The following ZNF385B variants were observed in gnomAD, a reference collection of about 807,000 sequenced individuals.
The protein encoded by ZNF385B is zinc finger protein 385B, also known as zinc finger protein 533.
ZNF385B carries 23 observed loss-of-function variants against 39.2 expected under a neutral mutation model. The observed-to-expected ratio is 0.59, with a 90% CI of 0.42 to 0.83. ZNF385B has a LOEUF of 0.83. ZNF385B is among the 40% of genes least tolerant of loss of function. ZNF385B has a pLI of 0.00. For missense variants in ZNF385B, 552 were observed against 598.9 expected (o/e 0.92, Z 0.82); for synonymous variants, 205 against 222.6 (o/e 0.92, Z 0.70).
chr2:179,771,457 A>T (rs1704007602), intron 1 of ZNF385B, among the ~76,000 whole-genome samples: 1 of 152,208 alleles, frequency 6.6e-6, no homozygotes, highest in Non-Finnish European at 1.5e-5. Flanking sequence ...TAACCTGATA[A>T]TGCCATTTTA....
intron 3 of ZNF385B, among the ~76,000 whole-genome samples, chr2:179,612,095 T>A (rs1689335284): frequency 6.6e-6 from 1 of 152,034 alleles, no homozygotes; most frequent in Non-Finnish European, 1.5e-5. Context: ...TTTGTTAAAT[T>A]TACCTCCTAG....
intron 3 of ZNF385B, among the ~76,000 whole-genome samples, chr2:179,581,700 G>A (rs1205540467): frequency 1.3e-5 from 2 of 152,186 alleles, no homozygotes; most frequent in African/African-American, 4.8e-5. Flanking sequence ...CCCAGATACA[G>A]AAAGCATTTC....
intron 3 of ZNF385B, among the ~76,000 whole-genome samples, chr2:179,732,320 C>T (rs1451384938): frequency 6.6e-6 from 1 of 152,204 alleles, no homozygotes; most frequent in Non-Finnish European, 1.5e-5. Context: ...CAAACACTAA[C>T]TTTACCCTTA....
At chr2:179,689,968 G>A (rs191720407) in intron 3 of ZNF385B, among the ~76,000 whole-genome samples, 212 of 152,054 alleles carry the variant, frequency 1.4e-3, no homozygotes, top group Non-Finnish European at 2.5e-3. Context: ...TTCTAGTAAC[G>A]TCAGAGTCTA....
At chr2:179,461,703 A>C (rs892549225) in intron 6 of ZNF385B, among the ~76,000 whole-genome samples, 1 of 152,176 alleles carries the variant, frequency 6.6e-6, no homozygotes, top group Non-Finnish European at 1.5e-5. Context: ...GCAAAATACT[A>C]CCCTTTTCTT....
intron 3 of ZNF385B, among the ~76,000 whole-genome samples, chr2:179,673,418 T>C (rs950126254): frequency 3.9e-5 from 6 of 152,210 alleles, no homozygotes; most frequent in Admixed American, 3.3e-4. Flanking sequence ...GTATACAAAA[T>C]ATGAAATAAT....
In ZNF385B at chr2:179,600,243, T is replaced by G. The variant is rs148045928; in HGVS notation, c.299-55274A>C. On this transcript the variant is annotated intron_variant, in intron 3 of 9. Transcript: ENST00000410066. ...CATAAGGGTTATATAATGACAGATA[T>G]AATCTGAATTGCAACAATGGGCTCA... 2.3e-3 allele frequency among the ~76,000 whole-genome samples: 355 copies of G among 152,334 alleles called. 2 individuals are homozygous for G. The highest frequency in any genetic ancestry group is 0.01 in the Middle Eastern group (3 of 294).
chr2:179,625,369 G>A (rs1036395697), intron 3 of ZNF385B, among the ~76,000 whole-genome samples: 6 of 151,484 alleles, frequency 4.0e-5, no homozygotes, highest in Non-Finnish European at 8.8e-5. Context: ...TTTTCCTCTA[G>A]CCTTACTTAT....
At chr2:179,568,987 CACTT>C (rs1684907848) in intron 3 of ZNF385B, among the ~76,000 whole-genome samples, 1 of 152,184 alleles carries the variant, frequency 6.6e-6, no homozygotes, top group Admixed American at 6.6e-5. Context: ...CAATGTCTAA[CACTT>C]ACATAACATT....
intron 3 of ZNF385B, among the ~76,000 whole-genome samples, chr2:179,606,642 G>A (rs1455966445): frequency 1.3e-5 from 2 of 151,918 alleles, no homozygotes; most frequent in East Asian, 3.9e-4. Flanking sequence ...TCCTTATTCT[G>A]TTTTTAAGAG....
Position 179,471,653 on chromosome 2 carries a change from C to A in ZNF385B, c.715+11619G>T, listed in dbSNP as rs114638347. ...TCAAAATTACAGTAGATATTAGACCCACTGATAAATCTTATTTAATGCATT... is the reference window on the plus strand; with the variant it reads ...TCAAAATTACAGTAGATATTAGACCAACTGATAAATCTTATTTAATGCATT... On this transcript the variant is annotated intron_variant, in intron 6 of 9. Coordinates refer to ENST00000410066, the MANE Select transcript of ZNF385B (RefSeq NM_152520.6). Among the ~76,000 whole-genome samples the A allele has an allele frequency of 4.8e-3, 729 of 152,252 alleles. 3 individuals carry two copies. Among genetic ancestry groups the A allele is most frequent in the Non-Finnish European group, 8.2e-3 (556 of 68,018 alleles).
intron 3 of ZNF385B, among the ~76,000 whole-genome samples, chr2:179,546,025 TA>T (rs1222923063): frequency 6.6e-6 from 1 of 152,126 alleles, no homozygotes; most frequent in East Asian, 1.9e-4. Context: ...TTTTTAATTT[TA>T]ATTTAACTTT....
At chr2:179,526,671 C>G (rs2058925176) in intron 4 of ZNF385B, among the ~76,000 whole-genome samples, 1 of 152,170 alleles carries the variant, frequency 6.6e-6, no homozygotes, top group African/African-American at 2.4e-5. Flanking sequence ...ACCATGGGAT[C>G]TGCATGTTTG....
intron 4 of ZNF385B, among the ~76,000 whole-genome samples, chr2:179,519,790 G>C (rs1039967678): frequency 2.6e-5 from 4 of 152,166 alleles, no homozygotes; most frequent in Non-Finnish European, 4.4e-5. Context: ...TGAGGTTAGA[G>C]ATTAAGATTG....
intron 5 of ZNF385B, among the ~76,000 whole-genome samples, chr2:179,515,771 A>T (rs10169955): frequency 0.63 from 95,340 of 151,884 alleles, 30,885 homozygotes; most frequent in Admixed American, 0.71. Context: ...AGTTAGGTTT[A>T]CTAAGGTATA....
chr2:179,644,343 C>T (rs1692526010), intron 3 of ZNF385B, among the ~76,000 whole-genome samples: 1 of 138,536 alleles, frequency 7.2e-6, no homozygotes, highest in African/African-American at 2.5e-5. Context: ...AACCTCAGAA[C>T]AATCCTACCA....
At chr2:179,838,927 AAG>A (rs1708397043) in intron 1 of ZNF385B, among the ~76,000 whole-genome samples, 1 of 124,148 alleles carries the variant, frequency 8.1e-6, no homozygotes, top group South Asian at 3.3e-4. Flanking sequence ...ACCAAAAAAA[AAG>A]GGGGGGGGGC....
chr2:179,809,579 C>G (rs1310499598), intron 1 of ZNF385B, among the ~76,000 whole-genome samples: 1 of 151,978 alleles, frequency 6.6e-6, no homozygotes, highest in African/African-American at 2.4e-5. Flanking sequence ...ATCATAGATT[C>G]AACTACAGAT....
intron 1 of ZNF385B, among the ~76,000 whole-genome samples, chr2:179,823,049 A>G (rs1707493772): frequency 1.3e-5 from 2 of 152,270 alleles, no homozygotes; most frequent in African/African-American, 2.4e-5. Flanking sequence ...TAAGTGTTCA[A>G]GAGCTCAAAA....
Sources: allele counts gnomAD v4.1 joint callset (sites outside exome capture counted in the v4.1 genomes callset), GRCh38; gene constraint gnomAD v4.1.1; transcripts MANE v1.5; gene names NCBI Gene and HGNC (gene_info 2026-07-23, HGNC 2026-07-21).